Variants in MACROD2 observed in about 807,000 individuals in gnomAD.
MACROD2 encodes ADP-ribose glycohydrolase MACROD2.
MACROD2 carries 36 observed loss-of-function variants against 70.4 expected under a neutral mutation model. The observed-to-expected ratio is 0.51, with a 90% CI of 0.39 to 0.68. MACROD2 has a LOEUF of 0.68. MACROD2 is among the 30% of genes least tolerant of loss of function. MACROD2 has a pLI of 0.00. For missense variants in MACROD2, 496 were observed against 538.4 expected (o/e 0.92, Z 0.78); for synonymous variants, 172 against 178.8 (o/e 0.96, Z 0.30).
At chr20:14,807,184 C>G (rs2072649708) in intron 5 of MACROD2, among the ~76,000 whole-genome samples, 1 of 152,130 alleles carries the variant, frequency 6.6e-6, no homozygotes, top group Non-Finnish European at 1.5e-5. Flanking sequence ...ACACCTCACA[C>G]AGGAGAGCTC....
At chr20:14,504,898 T>C (rs1470249892) in intron 4 of MACROD2, among the ~76,000 whole-genome samples, 1 of 152,246 alleles carries the variant, frequency 6.6e-6, no homozygotes, top group Non-Finnish European at 1.5e-5. Context: ...TACAACTTTT[T>C]ATTTGTCATA....
In MACROD2 at chr20:15,838,150, T is replaced by A. The variant is rs1183144134; in HGVS notation, c.646-24595T>A. On this transcript the variant is annotated intron_variant, in intron 8 of 17. Transcript: ENST00000684519. Reference sequence around the variant, plus strand: ...GCTTTTGACCTAGAATATCAAGCTTTTTTTTTACTATGGGGCTGTGGTACA... The same window carrying A: ...GCTTTTGACCTAGAATATCAAGCTTATTTTTTACTATGGGGCTGTGGTACA... Among the ~76,000 whole-genome samples, 7 of 151,974 alleles carry A rather than the reference T, an allele frequency of 4.6e-5. No individual in the cohort carries two copies. In the East Asian group the frequency reaches 1.2e-3, roughly 26 times the overall value.
At chr20:15,977,534 A>C (rs2066325769) in intron 13 of MACROD2, among the ~76,000 whole-genome samples, 1 of 152,244 alleles carries the variant, frequency 6.6e-6, no homozygotes, top group South Asian at 2.1e-4. Flanking sequence ...TGCAAGAGAA[A>C]GTAAGTTATA....
At chr20:15,988,155 A>G (rs2066511928) in intron 15 of MACROD2, among the ~76,000 whole-genome samples, 1 of 152,158 alleles carries the variant, frequency 6.6e-6, no homozygotes. Flanking sequence ...GACTGCATTT[A>G]CAGTACAATA....
intron 8 of MACROD2, among the ~76,000 whole-genome samples, chr20:15,537,214 A>AT (rs1414565912): frequency 1.3e-5 from 2 of 151,686 alleles, no homozygotes; most frequent in African/African-American, 4.8e-5. Flanking sequence ...CGTAGCTCTC[A>AT]TTTTCTCTTA....
intron 3 of MACROD2, among the ~76,000 whole-genome samples, chr20:14,242,918 C>G (rs1339084957): frequency 6.6e-6 from 1 of 152,146 alleles, no homozygotes; most frequent in African/African-American, 2.4e-5. Flanking sequence ...TTAAATTAAA[C>G]AGATACTATC....
intron 5 of MACROD2, among the ~76,000 whole-genome samples, chr20:14,904,408 C>A (rs559594420): frequency 6.6e-6 from 1 of 152,110 alleles, no homozygotes; most frequent in East Asian, 1.9e-4. Context: ...ATGTCTTTGA[C>A]AAATCACTGT....
At chr20:14,635,892 T>A (rs1200118971) in intron 4 of MACROD2, among the ~76,000 whole-genome samples, 1 of 152,212 alleles carries the variant, frequency 6.6e-6, no homozygotes, top group African/African-American at 2.4e-5. Flanking sequence ...CAAATGGTAA[T>A]AAATGCTGAG....
chr20:15,316,869 G>A (rs980432168), intron 6 of MACROD2, among the ~76,000 whole-genome samples: 3 of 152,048 alleles, frequency 2.0e-5, no homozygotes, highest in Non-Finnish European at 4.4e-5. Context: ...ATGACATGAA[G>A]TTAGAAACCA....
intron 6 of MACROD2, among the ~76,000 whole-genome samples, chr20:15,302,749 C>A (rs2077659262): frequency 6.6e-6 from 1 of 152,144 alleles, no homozygotes; most frequent in Non-Finnish European, 1.5e-5. Context: ...AAAAACTGTA[C>A]CATTTCACAT....
At position 14,260,175 on chromosome 20, in the gene MACROD2, TTG is replaced by T. The variant is rs1209746903; in HGVS notation, c.271+174457_271+174458del. 2.6e-5 allele frequency among the ~76,000 whole-genome samples: 4 copies of T among 152,242 alleles called. No individual in the cohort carries two copies. In the East Asian group the frequency reaches 7.7e-4, roughly 29 times the overall value. ...AAACAGTCTTAAGAAGAACACTGTT[TTG>T]TGTGTGTGTTTGTGTGTAGAAGTAT... is the stretch of plus-strand genomic sequence containing the variant. On this transcript the variant is annotated intron_variant, in intron 3 of 17. Coordinates refer to ENST00000684519, the MANE Select transcript of MACROD2 (RefSeq NM_001351661.2).
intron 4 of MACROD2, among the ~76,000 whole-genome samples, chr20:14,599,957 T>C (rs1030092693): frequency 2.6e-5 from 4 of 151,980 alleles, no homozygotes; most frequent in Non-Finnish European, 4.4e-5. Flanking sequence ...GTGAATTGAA[T>C]TAAGGTGGTG....
chr20:14,214,648 G>T, intron 3 of MACROD2, among the ~76,000 whole-genome samples: 1 of 135,072 alleles, frequency 7.4e-6, no homozygotes, highest in Non-Finnish European at 1.5e-5. Context: ...GGTGGTATTT[G>T]GTTACATGAG....
chr20:15,058,601 T>C (rs1452653806), intron 5 of MACROD2, among the ~76,000 whole-genome samples: 2 of 152,214 alleles, frequency 1.3e-5, no homozygotes, highest in Non-Finnish European at 2.9e-5. Flanking sequence ...TTTTCAGGGA[T>C]GTCTGCTTTT....
intron 5 of MACROD2, among the ~76,000 whole-genome samples, chr20:15,142,888 C>T (rs1203270736): frequency 6.6e-6 from 1 of 152,144 alleles, no homozygotes; most frequent in Non-Finnish European, 1.5e-5. Context: ...ATATGTGCCA[C>T]ATTTTCTTAA....
At chr20:15,943,442 C>T (rs2065778424) in intron 12 of MACROD2, among the ~76,000 whole-genome samples, 1 of 152,160 alleles carries the variant, frequency 6.6e-6, no homozygotes, top group Admixed American at 6.6e-5. Flanking sequence ...GAGGACAAGG[C>T]TGTCCTGTGC....
At chr20:14,255,817 T>C (rs1601405312) in intron 3 of MACROD2, among the ~76,000 whole-genome samples, 1 of 152,094 alleles carries the variant, frequency 6.6e-6, no homozygotes, top group African/African-American at 2.4e-5. Flanking sequence ...TGTCTCTGAA[T>C]CACATTCTCC....
chr20:14,373,440 C>T (rs1427407119), intron 3 of MACROD2, among the ~76,000 whole-genome samples: 2 of 151,208 alleles, frequency 1.3e-5, no homozygotes, highest in Non-Finnish European at 2.9e-5. Context: ...TTTTTTTTAA[C>T]GTGTGTTTTA....
chr20:15,320,981 C>T (rs1204936344), intron 6 of MACROD2, among the ~76,000 whole-genome samples: 1 of 152,166 alleles, frequency 6.6e-6, no homozygotes, highest in African/African-American at 2.4e-5. Context: ...CTTGAGGTAT[C>T]GTACTTGTAT....
Sources: allele counts gnomAD v4.1 joint callset (sites outside exome capture counted in the v4.1 genomes callset), GRCh38; gene constraint gnomAD v4.1.1; transcripts MANE v1.5; gene names NCBI Gene and HGNC (gene_info 2026-07-23, HGNC 2026-07-21).